Variants in NKAIN3 observed in about 807,000 individuals in gnomAD.
NKAIN3 encodes sodium/potassium-transporting ATPase subunit beta-1-interacting protein 3.
A neutral mutation model predicts 30.2 loss-of-function variants in NKAIN3; 25 were observed. The observed-to-expected ratio is 0.83, with a 90% CI of 0.60 to 1.16. The LOEUF (loss-of-function observed/expected upper bound fraction) is 1.16. NKAIN3 is among the 50% of genes most tolerant of loss of function. The pLI is 0.00. For synonymous variants in NKAIN3, 91 were observed against 89.6 expected (o/e 1.02, Z -0.09); for missense variants, 225 against 254.1 (o/e 0.89, Z 0.78).
At chr8:62,825,240 A>C (rs10504354) in intron 4 of NKAIN3, among the ~76,000 whole-genome samples, 85,493 of 151,984 alleles carry the variant, frequency 0.56, 25,228 homozygotes, top group Non-Finnish European at 0.67. Flanking sequence ...AAACTTTATC[A>C]AGCTGAGTGA....
chr8:62,871,026 CA>C (rs1487158095), intron 4 of NKAIN3, among the ~76,000 whole-genome samples: 1 of 151,900 alleles, frequency 6.6e-6, no homozygotes, highest in Admixed American at 6.6e-5. Context: ...CATTGACAAA[CA>C]AAAATTGTAT....
chr8:62,433,650 G>A (rs886240192), intron 1 of NKAIN3, among the ~76,000 whole-genome samples: 1 of 152,098 alleles, frequency 6.6e-6, no homozygotes, highest in African/African-American at 2.4e-5. Flanking sequence ...ATTATAGGTT[G>A]ATGCAAGAGT....
chr8:62,766,858 C>A (rs1816854371), intron 4 of NKAIN3, among the ~76,000 whole-genome samples: 1 of 152,094 alleles, frequency 6.6e-6, no homozygotes, highest in East Asian at 1.9e-4. Flanking sequence ...TCCAGGATGC[C>A]CTGGTTTGGG....
At chr8:62,876,072 T>C (rs1820785545) in intron 4 of NKAIN3, among the ~76,000 whole-genome samples, 1 of 152,200 alleles carries the variant, frequency 6.6e-6, no homozygotes, top group Non-Finnish European at 1.5e-5. Context: ...TTTTGCAATC[T>C]ACCCATCTGA....
At position 62,760,819 on chromosome 8, in the gene NKAIN3, A is replaced by C. The variant is rs114378560; in HGVS notation, c.471+13690A>C. Among the ~76,000 whole-genome samples, 698 of 152,234 alleles carry C rather than the reference A, an allele frequency of 4.6e-3. 6 individuals are homozygous for C. Among genetic ancestry groups the C allele is most frequent in the African/African-American group, 0.016 (672 of 41,530 alleles). On this transcript the variant is annotated intron_variant, in intron 4 of 6. Coordinates refer to ENST00000623646, the MANE Select transcript of NKAIN3 (RefSeq NM_001304533.3). ...GAGGTAAACTTTAGTCATTTCATTT[A>C]ATCTATCACATAATTAAAAAATAGT...
At chr8:62,431,425 A>G (rs1023511783) in intron 1 of NKAIN3, among the ~76,000 whole-genome samples, 1 of 151,652 alleles carries the variant, frequency 6.6e-6, no homozygotes, top group African/African-American at 2.4e-5. Context: ...TCTGTTAGCC[A>G]TTTTTTCTTA....
chr8:62,712,431 G>A (rs1303581532), intron 3 of NKAIN3, among the ~76,000 whole-genome samples: 2 of 152,036 alleles, frequency 1.3e-5, no homozygotes, highest in Non-Finnish European at 2.9e-5. Flanking sequence ...TGGAGGATGG[G>A]GGTAAGATTC....
At chr8:62,708,531 T>C (rs1305354921) in intron 3 of NKAIN3, among the ~76,000 whole-genome samples, 1 of 152,202 alleles carries the variant, frequency 6.6e-6, no homozygotes, top group East Asian at 1.9e-4. Flanking sequence ...TTGGTCACTA[T>C]TGATGTATAG....
At chr8:62,374,105 TC>T (rs1366121604) in intron 1 of NKAIN3, among the ~76,000 whole-genome samples, 1 of 91,032 alleles carries the variant, frequency 1.1e-5, no homozygotes, top group African/African-American at 5.1e-5. Context: ...AGAGCGAGAC[TC>T]CATCTCCAAA....
chr8:62,296,756 A>T (rs957925271), intron 1 of NKAIN3, among the ~76,000 whole-genome samples: 1 of 152,270 alleles, frequency 6.6e-6, no homozygotes, highest in East Asian at 1.9e-4. Context: ...CAGGATTCCT[A>T]TCTCTAGCCC....
At chr8:62,680,079 C>A (rs1038762567) in intron 3 of NKAIN3, among the ~76,000 whole-genome samples, 2 of 152,094 alleles carry the variant, frequency 1.3e-5, no homozygotes, top group Non-Finnish European at 2.9e-5. Context: ...AGGGACTTGA[C>A]CCATCATTGC....
At chr8:62,874,254 G>A (rs943119834) in intron 4 of NKAIN3, among the ~76,000 whole-genome samples, 7 of 151,948 alleles carry the variant, frequency 4.6e-5, no homozygotes, top group Non-Finnish European at 7.4e-5. Flanking sequence ...ATTCCTGGAT[G>A]CATACACACT....
intron 4 of NKAIN3, among the ~76,000 whole-genome samples, chr8:62,851,903 T>C (rs1819912747): frequency 6.6e-6 from 1 of 152,204 alleles, no homozygotes; most frequent in African/African-American, 2.4e-5. Context: ...TCAGGGATAT[T>C]GGTCTAAAAT....
At chr8:62,956,198 G>A (rs1256310295) in intron 6 of NKAIN3, among the ~76,000 whole-genome samples, 2 of 152,034 alleles carry the variant, frequency 1.3e-5, no homozygotes, top group Non-Finnish European at 2.9e-5. Context: ...TGAATCCAAT[G>A]ATGCCATATC....
intron 6 of NKAIN3, among the ~76,000 whole-genome samples, chr8:62,960,353 C>T (rs1563646334): frequency 6.6e-6 from 1 of 152,086 alleles, no homozygotes; most frequent in African/African-American, 2.4e-5. Context: ...CACATAAAGC[C>T]TTTTTCCAAA....
chr8:62,747,134 G>A lies in NKAIN3; in HGVS notation c.471+5G>A, dbSNP rs760304614. The A allele has an allele frequency of 2.5e-6, 4 of 1,576,690 alleles. No individual in the cohort carries two copies. Among genetic ancestry groups the A allele is most frequent in the Admixed American group, 3.4e-5 (2 of 59,646 alleles). The stretch of plus-strand genomic sequence containing the variant: ...GCTGTCCAAATACTACTCTCTGTAA[G>A]TGTCACTTTTGTGTCATTATCTAAT... On this transcript the variant is annotated splice_donor_5th_base_variant and intron_variant, in intron 4 of 6. Coordinates refer to ENST00000623646, the MANE Select transcript of NKAIN3 (RefSeq NM_001304533.3).
intron 4 of NKAIN3, among the ~76,000 whole-genome samples, chr8:62,763,554 A>G (rs973291513): frequency 3.3e-5 from 5 of 152,006 alleles, no homozygotes; most frequent in African/African-American, 7.2e-5. Context: ...ACTTAGTAAC[A>G]AAGATAATCA....
At chr8:62,917,654 C>A (rs1486588637) in intron 4 of NKAIN3, among the ~76,000 whole-genome samples, 3 of 152,166 alleles carry the variant, frequency 2.0e-5, no homozygotes, top group African/African-American at 7.2e-5. Context: ...CAAACGTTAA[C>A]AAAGACAAGA....
intron 4 of NKAIN3, among the ~76,000 whole-genome samples, chr8:62,809,275 C>A (rs2130710719): frequency 6.6e-6 from 1 of 152,168 alleles, no homozygotes; most frequent in South Asian, 2.1e-4. Flanking sequence ...GTCCTGAGGC[C>A]ACATACATCC....
Sources: gnomAD v4.1 joint callset for allele counts (sites outside exome capture counted in the v4.1 genomes callset) on GRCh38, gnomAD v4.1.1 for gene constraint, MANE v1.5 for transcripts, NCBI Gene and HGNC (gene_info 2026-07-23, HGNC 2026-07-21) for gene names.